The following CDC23 variants were observed in gnomAD, a reference collection of about 807,000 sequenced individuals.
The protein encoded by CDC23 is cell division cycle protein 23 homolog.
A neutral mutation model predicts 81.7 loss-of-function variants in CDC23; 26 were observed. The observed-to-expected ratio is 0.32, with a 90% CI of 0.23 to 0.44. The LOEUF (loss-of-function observed/expected upper bound fraction) is 0.44, where lower values mean the gene tolerates loss of function less well. Among genes scored for constraint, CDC23 ranks in the 20% least tolerant of loss-of-function variants. The pLI is 1.00. For synonymous variants in CDC23, 267 were observed against 270.8 expected, an observed-to-expected ratio of 0.99 and a Z score of 0.14; for missense variants, 519 against 728.0, an observed-to-expected ratio of 0.71 and a Z score of 3.30.
intron 9 of CDC23, among the ~76,000 whole-genome samples, chr5:138,194,825 G>A (rs572851529): frequency 2.0e-5 from 3 of 149,864 alleles, no homozygotes; most frequent in African/African-American, 7.4e-5. Flanking sequence ...GGATTCTAGC[G>A]ATTCTCCTGC....
Position 138,202,468 on chromosome 5 carries a change from G to A in CDC23, c.373-313C>T, listed in dbSNP as rs572809047. 5.9e-5 allele frequency among the ~76,000 whole-genome samples: 9 copies of A among 152,214 alleles called. No individual in the cohort carries two copies. In the South Asian group the frequency reaches 1.7e-3, roughly 28 times the overall value. On this transcript the variant is annotated intron_variant, in intron 3 of 15. Coordinates refer to ENST00000394886, the MANE Select transcript of CDC23 (RefSeq NM_004661.4). ...CTGGCTAATTTTTGTATTTTTAGTT[G>A]CGACGAGGTTTCATCATGCTGGTCA...
At chr5:138,190,004 GGTAA>G in intron 13 of CDC23, 98 bp from the exon 14 acceptor site, 4 of 904,880 alleles carry the variant, frequency 4.4e-6, no homozygotes, top group Non-Finnish European at 5.4e-6. Flanking sequence ...ACAATACATA[GGTAA>G]GTATCAATTT....
At chr5:138,201,705 T>G (rs1754991524) in intron 4 of CDC23, among the ~76,000 whole-genome samples, 1 of 152,142 alleles carries the variant, frequency 6.6e-6, no homozygotes, top group African/African-American at 2.4e-5. Context: ...CTGAAACCTC[T>G]AGCAAACACA....
At chr5:138,207,126 T>C (rs1405836445) in intron 2 of CDC23, among the ~76,000 whole-genome samples, 1 of 152,122 alleles carries the variant, frequency 6.6e-6, no homozygotes, top group Admixed American at 6.6e-5. Context: ...GTGATCTGCC[T>C]GCCTCGGCTT....
At chr5:138,209,741 T>C (rs1164052345) in intron 2 of CDC23, among the ~76,000 whole-genome samples, 6 of 150,782 alleles carry the variant, frequency 4.0e-5, no homozygotes, top group Non-Finnish European at 8.8e-5. Context: ...GGAGAATCAC[T>C]GAAACCCAGG....
At chr5:138,207,405 T>C (rs1189079598) in intron 2 of CDC23, among the ~76,000 whole-genome samples, 6 of 152,190 alleles carry the variant, frequency 3.9e-5, no homozygotes, top group Non-Finnish European at 4.4e-5. Flanking sequence ...TTTCTTCATC[T>C]GTAAAATGAA....
intron 9 of CDC23, among the ~76,000 whole-genome samples, chr5:138,194,766 G>C (rs954045856): frequency 4.2e-5 from 6 of 143,140 alleles, no homozygotes; most frequent in Admixed American, 1.5e-4. Flanking sequence ...TTGTCGCCCA[G>C]GCTGGAGTGC....
At chr5:138,202,319 T>C (rs1754998552) in intron 3 of CDC23, among the ~76,000 whole-genome samples, 164 bp from the exon 4 acceptor site, 1 of 152,196 alleles carries the variant, frequency 6.6e-6, no homozygotes, top group South Asian at 2.1e-4. Flanking sequence ...CACTTTGCTT[T>C]GTTGCCCAGG....
At chr5:138,210,199 G>A (rs1196856028) in intron 2 of CDC23, among the ~76,000 whole-genome samples, 1 of 149,356 alleles carries the variant, frequency 6.7e-6, no homozygotes, top group Non-Finnish European at 1.5e-5. Context: ...CTGGGTAACA[G>A]TGCAAGACTC....
chr5:138,198,395 T>C, intron 8 of CDC23, 31 bp downstream of exon 8: 1 of 1,605,196 alleles, frequency 6.2e-7, no homozygotes, highest in Non-Finnish European at 8.5e-7. Flanking sequence ...CAAAAGAGCT[T>C]AATCAAATCC....
intron 2 of CDC23, among the ~76,000 whole-genome samples, chr5:138,209,856 C>T (rs1407786745): frequency 3.3e-5 from 5 of 150,702 alleles, no homozygotes; most frequent in Non-Finnish European, 5.9e-5. Flanking sequence ...TAAGCTATAA[C>T]AAACATCTAC....
intron 9 of CDC23, among the ~76,000 whole-genome samples, chr5:138,195,589 TA>T (rs1211204296): frequency 0.23 from 21,894 of 96,494 alleles, 2,824 homozygotes; most frequent in East Asian, 0.42. Flanking sequence ...ATATTATATA[TA>T]ATATATATTA....
At chr5:138,198,093 G>A (rs1754938051) in intron 9 of CDC23, 106 bp downstream of exon 9, 2 of 829,654 alleles carry the variant, frequency 2.4e-6, no homozygotes. Context: ...CTGAGTAGAG[G>A]AAACTAAAGG....
intron 9 of CDC23, among the ~76,000 whole-genome samples, chr5:138,196,667 G>A (rs1039904300): frequency 4.0e-5 from 6 of 150,896 alleles, no homozygotes; most frequent in East Asian, 3.9e-4. Context: ...TGCAACCTCC[G>A]CCTCCAGGGT....
intron 6 of CDC23, 42 bp from the exon 7 acceptor site, chr5:138,198,824 CCT>C: frequency 1.3e-6 from 2 of 1,572,568 alleles, no homozygotes; most frequent in South Asian, 1.2e-5. Flanking sequence ...TATAACTTGA[CCT>C]CTCTCTCAAA....
At position 138,213,281 on chromosome 5, in the gene CDC23, G is replaced by C; in HGVS notation, c.32C>G (p.Ala11Gly). MAASTSMVPV[A>G]VTAAVAPVLS... The stretch of plus-strand genomic sequence containing the variant: ...GACAGGCGCCACTGCCGCCGTCACA[G>C]CCACCGGGACCATGGAGGTACTCGC... Residue 11 changes from alanine (A) to glycine (G), a missense_variant, in exon 1 of 16, where the codon GCT (alanine) becomes GGT (glycine). This residue lies in a region of CDC23 where 126 missense variants were observed against 116.2 expected (regional missense o/e 1.08). Coordinates refer to ENST00000394886, the MANE Select transcript of CDC23 (RefSeq NM_004661.4). 1 of 1,614,022 alleles carries C rather than the reference G, an allele frequency of 6.2e-7. No individual in the cohort carries two copies. The highest frequency in any genetic ancestry group is 1.1e-5 in the South Asian group (1 of 91,078).
chr5:138,209,843 G>T (rs1755094231), intron 2 of CDC23, among the ~76,000 whole-genome samples: 1 of 151,428 alleles, frequency 6.6e-6, no homozygotes, highest in African/African-American at 2.4e-5. Flanking sequence ...AAAAAATTGA[G>T]AGTAAGCTAT....
At chr5:138,210,805 AC>A (rs1755104483) in intron 2 of CDC23, among the ~76,000 whole-genome samples, 1 of 152,226 alleles carries the variant, frequency 6.6e-6, no homozygotes, top group African/African-American at 2.4e-5. Context: ...TATAATACAA[AC>A]CCTCAGGAGA....
intron 13 of CDC23, among the ~76,000 whole-genome samples, 193 bp downstream of exon 13, chr5:138,191,281 C>T (rs1481930087): frequency 6.6e-6 from 1 of 152,146 alleles, no homozygotes; most frequent in African/African-American, 2.4e-5. Flanking sequence ...CAGGCATGAG[C>T]CACTGCACCT....
Sources: allele counts gnomAD v4.1 joint callset (sites outside exome capture counted in the v4.1 genomes callset), GRCh38; gene constraint gnomAD v4.1.1; regional missense constraint gnomAD v4.1.1; transcripts MANE v1.5; gene names NCBI Gene and HGNC (gene_info 2026-07-23, HGNC 2026-07-21).